Variants in TRIM9 observed in about 807,000 individuals in gnomAD.
The protein encoded by TRIM9 is E3 ubiquitin-protein ligase TRIM9.
TRIM9 carries 26 observed loss-of-function variants against 78.3 expected under a neutral mutation model. That is an observed-to-expected ratio of 0.33 (90% confidence interval 0.24 to 0.46). The LOEUF (loss-of-function observed/expected upper bound fraction) is 0.46, where lower values mean the gene tolerates loss of function less well. Ranked by LOEUF, TRIM9 falls within the 20% of genes least tolerant of loss-of-function variation. TRIM9 has a pLI of 1.00. For synonymous variants in TRIM9, 398 were observed against 416.5 expected, an observed-to-expected ratio of 0.96 and a Z score of 0.54; for missense variants, 787 against 1,036.4, an observed-to-expected ratio of 0.76 and a Z score of 3.30.
At chr14:50,996,544 A>G (rs1041576066) in intron 7 of TRIM9, 3 of 985,426 alleles carry the variant, frequency 3.0e-6, no homozygotes, top group Non-Finnish European at 3.6e-6. Context: ...CATTGCTACA[A>G]ATTTCTCTCT....
At chr14:50,986,268 C>T in intron 7 of TRIM9, 124 bp from the exon 8 acceptor site, 1 of 865,082 alleles carries the variant, frequency 1.2e-6, no homozygotes, top group East Asian at 3.3e-5. Flanking sequence ...CAGGGTGCCA[C>T]ACTCAGGCAT....
At chr14:51,000,147 A>G (rs1160202625) in intron 6 of TRIM9, among the ~76,000 whole-genome samples, 1 of 152,236 alleles carries the variant, frequency 6.6e-6, no homozygotes, top group African/African-American at 2.4e-5. Context: ...AGGAATGCCA[A>G]TCAAAGACAT....
chr14:51,072,018 A>G (rs1348709327), intron 1 of TRIM9, among the ~76,000 whole-genome samples: 1 of 152,036 alleles, frequency 6.6e-6, no homozygotes, highest in Non-Finnish European at 1.5e-5. Context: ...GAAGGCAGGG[A>G]AAGGAAACTT....
In TRIM9 at chr14:50,983,486, T is replaced by C. The variant is rs1272446341; in HGVS notation, c.1793-65A>G. The C allele has an allele frequency of 7.6e-6, 10 of 1,321,552 alleles. No homozygotes were observed. The South Asian group carries it at 1.5e-4, about 19-fold the overall frequency. The allele number at this position is 1,321,552 out of a possible 1,614,324, so 81.9% of individuals were successfully genotyped here. ...ACCAGGTTGATAAAAATTACTTGTATACGCTTAAAAAGCACCAGTTGAATA... is the reference window on the plus strand; with the variant it reads ...ACCAGGTTGATAAAAATTACTTGTACACGCTTAAAAAGCACCAGTTGAATA... On this transcript the variant is annotated intron_variant, in intron 8 of 12. Transcript: ENST00000684578.
At chr14:51,067,443 A>G (rs2061844518) in intron 1 of TRIM9, among the ~76,000 whole-genome samples, 1 of 152,170 alleles carries the variant, frequency 6.6e-6, no homozygotes, top group Non-Finnish European at 1.5e-5. Context: ...AGATTACATC[A>G]TTCTCCTGCT....
In TRIM9 at chr14:51,009,212, T is replaced by G. The variant is rs1566573238; in HGVS notation, c.1174A>C (p.Arg392=). 1.9e-6 allele frequency: 3 copies of G among 1,613,972 alleles called. No homozygotes were observed. Among genetic ancestry groups the G allele is most frequent in the Non-Finnish European group, 2.5e-6 (3 of 1,179,942 alleles). The change falls in exon 5 of 13, where the codon AGA becomes CGA. Residue 392 remains arginine (R), a synonymous_variant. Transcript: ENST00000684578. ...CACTGATCCTCAGTCAGGTGCACTC[T>G]TCTTATGAGGGCGTCAGAAATCTAA... The part of the protein sequence containing the change: ...FLQISDALIR[R]VHLTEDQWGK...
At chr14:51,035,221 T>C (rs1383405376) in intron 1 of TRIM9, among the ~76,000 whole-genome samples, 2 of 152,222 alleles carry the variant, frequency 1.3e-5, no homozygotes, top group Admixed American at 6.5e-5. Context: ...TTTTTTCTTC[T>C]TCTTAAAGTT....
At chr14:51,076,739 G>C (rs2062816990) in intron 1 of TRIM9, among the ~76,000 whole-genome samples, 1 of 152,162 alleles carries the variant, frequency 6.6e-6, no homozygotes, top group East Asian at 1.9e-4. Flanking sequence ...TGAATGGTCT[G>C]ATTATCTCCA....
At chr14:51,061,860 A>G (rs1046899664) in intron 1 of TRIM9, among the ~76,000 whole-genome samples, 1 of 152,150 alleles carries the variant, frequency 6.6e-6, no homozygotes, top group Non-Finnish European at 1.5e-5. Context: ...CCAAGCCATC[A>G]TATCTTCAAA....
chr14:51,018,501 G>C (rs1275028204), intron 3 of TRIM9, among the ~76,000 whole-genome samples: 1 of 152,096 alleles, frequency 6.6e-6, no homozygotes, highest in Non-Finnish European at 1.5e-5. Flanking sequence ...CTTAATACGT[G>C]ATATAATTAA....
At chr14:50,997,904 G>GAGGAAC in intron 7 of TRIM9, 146 bp downstream of exon 7, 1 of 1,474,856 alleles carries the variant, frequency 6.8e-7, no homozygotes, top group South Asian at 1.4e-5. Context: ...AAAGGCAGGA[G>GAGGAAC]AGGAACAGCG....
At chr14:51,077,386 GTTTTTTT>G (rs146912763) in intron 1 of TRIM9, among the ~76,000 whole-genome samples, 26 of 97,736 alleles carry the variant, frequency 2.7e-4, no homozygotes, top group African/African-American at 7.7e-4. Flanking sequence ...CTCCAATTCT[GTTTTTTT>G]TTTTTTTTTT....
chr14:50,997,284 A>C, intron 7 of TRIM9: 1 of 985,422 alleles, frequency 1.0e-6, no homozygotes, highest in Non-Finnish European at 1.2e-6. Flanking sequence ...GAGACACATT[A>C]CTTGTCTTTG....
intron 12 of TRIM9, among the ~76,000 whole-genome samples, chr14:50,977,714 G>C (rs1263543166): frequency 6.6e-6 from 1 of 152,218 alleles, no homozygotes; most frequent in Non-Finnish European, 1.5e-5. Flanking sequence ...ATAGAGGACA[G>C]ATTCGCAGAG....
chr14:51,094,803 G>A lies in TRIM9; in HGVS notation c.137C>T (p.Ser46Phe). ...NILVQTPESESPQSHRAAGSG... is the reference protein window; with the variant it reads ...NILVQTPESEFPQSHRAAGSG... Reference sequence around the variant, plus strand: ...GCCCGCGGCCCGATGGCTCTGGGGGGATTCAGACTCTGGGGTCTGCACCAG... The same window carrying A: ...GCCCGCGGCCCGATGGCTCTGGGGGAATTCAGACTCTGGGGTCTGCACCAG... Residue 46 changes from serine (S) to phenylalanine (F), a missense_variant, in exon 1 of 13, where the codon TCC becomes TTC. By Grantham distance (155) the Ser-to-Phe change is radical. This residue lies in a region of TRIM9 where 352 missense variants were observed against 472.3 expected (regional missense o/e 0.75). Coordinates refer to ENST00000684578, the MANE Select transcript of TRIM9 (RefSeq NM_001387360.1). 2.6e-6 allele frequency: 4 copies of A among 1,536,846 alleles called. No homozygotes were observed. Among genetic ancestry groups the A allele is most frequent in the East Asian group, 2.3e-5 (1 of 44,312 alleles).
In TRIM9 at chr14:51,022,137, A is replaced by C. The variant is rs538292473; in HGVS notation, c.1041+698T>G. Reference sequence around the variant, plus strand: ...TTTACTTACTTATTGCTATGGTTTGAATATCTCTTCCAAAACCCATGTTGA... The same window carrying C: ...TTTACTTACTTATTGCTATGGTTTGCATATCTCTTCCAAAACCCATGTTGA... On this transcript the variant is annotated intron_variant, in intron 3 of 12. Coordinates refer to ENST00000684578, the MANE Select transcript of TRIM9 (RefSeq NM_001387360.1). 2.6e-4 allele frequency among the ~76,000 whole-genome samples: 40 copies of C among 152,288 alleles called. No individual in the cohort carries two copies. In the East Asian group the frequency reaches 7.7e-3, roughly 29 times the overall value.
intron 8 of TRIM9, among the ~76,000 whole-genome samples, chr14:50,985,419 G>C (rs1210348179): frequency 6.6e-6 from 1 of 152,150 alleles, no homozygotes; most frequent in Non-Finnish European, 1.5e-5. Context: ...TTCACTTTCT[G>C]CTCTCTGGAT....
chr14:51,032,004 A>G (rs923538756), intron 1 of TRIM9, among the ~76,000 whole-genome samples: 1 of 152,238 alleles, frequency 6.6e-6, no homozygotes, highest in African/African-American at 2.4e-5. Context: ...GTTACATAGA[A>G]TCCCCTTTCC....
At chr14:50,989,620 G>A (rs775950396) in intron 7 of TRIM9, among the ~76,000 whole-genome samples, 9 of 152,138 alleles carry the variant, frequency 5.9e-5, no homozygotes, top group Non-Finnish European at 1.2e-4. Flanking sequence ...TTCATCACAC[G>A]CAGGGATCCC....
Sources: gnomAD v4.1 joint callset for allele counts (sites outside exome capture counted in the v4.1 genomes callset) on GRCh38, gnomAD v4.1.1 for gene constraint, gnomAD v4.1.1 regional missense constraint, MANE v1.5 for transcripts, NCBI Gene and HGNC (gene_info 2026-07-23, HGNC 2026-07-21) for gene names.